The following NFIA variants were observed in gnomAD, a reference collection of about 807,000 sequenced individuals.
The protein encoded by NFIA is nuclear factor 1 A-type.
NFIA carries 8 observed loss-of-function variants against 62.8 expected under a neutral mutation model. The ratio of observed to expected loss-of-function variants is 0.13; its 90% CI spans 0.07 to 0.23. The LOEUF (loss-of-function observed/expected upper bound fraction) is 0.23, where lower values mean the gene tolerates loss of function less well. Ranked by LOEUF, NFIA falls within the 10% of genes least tolerant of loss-of-function variation. NFIA has a pLI of 1.00. For missense variants in NFIA, 410 were observed against 642.1 expected (o/e 0.64, Z 3.91); for synonymous variants, 235 against 238.1 (o/e 0.99, Z 0.12).
chr1:61,184,814 A>G (rs1651043413), intron 2 of NFIA, among the ~76,000 whole-genome samples: 1 of 152,246 alleles, frequency 6.6e-6, no homozygotes, highest in Admixed American at 6.5e-5. Flanking sequence ...GTAAAATGCA[A>G]CCTGGAGAGT....
chr1:61,426,608 G>C (rs1165894407), intron 10 of NFIA, 52 bp downstream of exon 10: 17 of 1,362,230 alleles, frequency 1.2e-5, no homozygotes, highest in Non-Finnish European at 1.6e-5. Context: ...TTATTCATCA[G>C]GTGCATTTTA....
At chr1:61,242,209 A>G (rs1048416546) in intron 2 of NFIA, among the ~76,000 whole-genome samples, 1 of 152,176 alleles carries the variant, frequency 6.6e-6, no homozygotes, top group Non-Finnish European at 1.5e-5. Context: ...GCAGGGTCCA[A>G]CTTTTCAGAC....
chr1:61,114,841 C>T (rs1646769529), intron 2 of NFIA, among the ~76,000 whole-genome samples: 2 of 152,138 alleles, frequency 1.3e-5, no homozygotes, highest in Non-Finnish European at 2.9e-5. Context: ...ATCTCAAACA[C>T]CACATTTTGG....
intron 9 of NFIA, among the ~76,000 whole-genome samples, chr1:61,426,172 G>A (rs1015139043): frequency 6.6e-6 from 1 of 152,176 alleles, no homozygotes; most frequent in Non-Finnish European, 1.5e-5. Flanking sequence ...AACTCAGAAA[G>A]TATACTTTGC....
chr1:61,134,258 G>A (rs1240615293), intron 2 of NFIA, among the ~76,000 whole-genome samples: 2 of 143,906 alleles, frequency 1.4e-5, no homozygotes, highest in Non-Finnish European at 3.1e-5. Flanking sequence ...GTGTGTGTGT[G>A]TGTGTGTGTG....
At chr1:61,295,350 A>C (rs1300010347) in intron 3 of NFIA, among the ~76,000 whole-genome samples, 1 of 152,182 alleles carries the variant, frequency 6.6e-6, no homozygotes, top group Non-Finnish European at 1.5e-5. Context: ...TTGAAGCAAG[A>C]ACCTGTATGA....
intron 1 of NFIA, among the ~76,000 whole-genome samples, chr1:61,086,505 G>A (rs956267403): frequency 2.3e-4 from 35 of 152,034 alleles, no homozygotes; most frequent in African/African-American, 2.9e-4. Context: ...GAATGCACAC[G>A]TGTTACAAAA....
At chr1:61,137,000 T>A (rs779863117) in intron 2 of NFIA, among the ~76,000 whole-genome samples, 1 of 152,220 alleles carries the variant, frequency 6.6e-6, no homozygotes, top group African/African-American at 2.4e-5. Context: ...TAGAAGGAAC[T>A]TCCACTGAGT....
At chr1:61,433,346 C>G (rs1205960016) in intron 10 of NFIA, among the ~76,000 whole-genome samples, 1 of 152,154 alleles carries the variant, frequency 6.6e-6, no homozygotes, top group East Asian at 1.9e-4. Flanking sequence ...GTCCAGAGAC[C>G]AGATAGCAGA....
intron 2 of NFIA, among the ~76,000 whole-genome samples, chr1:61,192,741 G>A (rs1651729577): frequency 1.3e-5 from 2 of 151,996 alleles, no homozygotes; most frequent in South Asian, 4.2e-4. Context: ...TCAAAGTAAG[G>A]AAGGAGTTGT....
chr1:61,446,869 G>A (rs1439820607), intron 10 of NFIA, among the ~76,000 whole-genome samples: 5 of 152,210 alleles, frequency 3.3e-5, no homozygotes, highest in African/African-American at 1.2e-4. Flanking sequence ...GAGGCACGGA[G>A]TAGAATGATT....
At chr1:61,388,368 T>G (rs1386013981) in intron 7 of NFIA, among the ~76,000 whole-genome samples, 2 of 152,198 alleles carry the variant, frequency 1.3e-5, no homozygotes, top group African/African-American at 4.8e-5. Flanking sequence ...TCATGATAAT[T>G]GAAAAAAGAA....
intron 4 of NFIA, among the ~76,000 whole-genome samples, chr1:61,351,269 G>A (rs7545738): frequency 0.093 from 14,216 of 152,114 alleles, 820 homozygotes; most frequent in Middle Eastern, 0.17. Flanking sequence ...TTTCTTTTCC[G>A]TTTAAGGGTA....
At position 61,082,656 on chromosome 1, in the gene NFIA, T is replaced by A; in HGVS notation, c.-136T>A. On this transcript the variant is annotated 5_prime_UTR_variant, in exon 1 of 11. Coordinates refer to ENST00000403491, the MANE Select transcript of NFIA (RefSeq NM_001134673.4). ...TGTGAACGCAAGAAGCAGGCTTGAT[T>A]TTTTTTTCTCCCCCCTTCTCTCTCT... The A allele has an allele frequency of 6.7e-7, 1 of 1,493,664 alleles. No homozygotes were observed. The highest frequency in any genetic ancestry group is 2.5e-5 in the East Asian group (1 of 40,162). 92.5% of individuals were successfully genotyped at this position (1,493,664 alleles called of 1,614,324 possible). A position where few individuals can be genotyped will look rare whatever the true frequency, so the allele number is the denominator to read the frequency against.
chr1:61,371,070 T>C (rs902872727), intron 6 of NFIA, among the ~76,000 whole-genome samples: 3 of 152,150 alleles, frequency 2.0e-5, no homozygotes, highest in African/African-American at 7.2e-5. Flanking sequence ...TTAATGCCAG[T>C]CAGAATTTGC....
chr1:61,079,154 CA>C (rs1646066656), upstream of NFIA, among the ~76,000 whole-genome samples: 1 of 152,078 alleles, frequency 6.6e-6, no homozygotes, highest in Non-Finnish European at 1.5e-5. Context: ...ATTATATGCA[CA>C]TAAGAAAAAT....
chr1:61,290,482 C>A (rs1045935876), intron 3 of NFIA, among the ~76,000 whole-genome samples: 12 of 152,150 alleles, frequency 7.9e-5, no homozygotes, highest in African/African-American at 2.4e-4. Flanking sequence ...ATATCTGATT[C>A]CTAGCAGGTC....
intron 3 of NFIA, among the ~76,000 whole-genome samples, chr1:61,323,315 A>AT (rs1660769906): frequency 6.6e-6 from 1 of 152,204 alleles, no homozygotes; most frequent in South Asian, 2.1e-4. Context: ...CATTTTGCAA[A>AT]TTCTCAGGCA....
At chr1:61,406,819 A>G in intron 9 of NFIA, 92 bp downstream of exon 9, 1 of 1,339,310 alleles carries the variant, frequency 7.5e-7, no homozygotes, top group Non-Finnish European at 9.9e-7. Flanking sequence ...TATAGGCTCT[A>G]GAAAGAGGCA....
Sources: allele counts gnomAD v4.1 joint callset (sites outside exome capture counted in the v4.1 genomes callset), GRCh38; gene constraint gnomAD v4.1.1; transcripts MANE v1.5; gene names NCBI Gene and HGNC (gene_info 2026-07-23, HGNC 2026-07-21).